CCDC171: variants seen among roughly 807,000 people sequenced by gnomAD.
The protein encoded by CCDC171 is coiled-coil domain containing 171.
Under a neutral mutation model 168.2 loss-of-function variants are expected in CCDC171, and 177 were observed. The ratio of observed to expected loss-of-function variants is 1.05; its 90% confidence interval spans 0.93 to 1.19. CCDC171 has a LOEUF of 1.19. Among genes scored for constraint, CCDC171 ranks in the 50% most tolerant of loss-of-function variants. The pLI, the probability that CCDC171 is intolerant of heterozygous loss-of-function variation, is 0.00. For missense variants in CCDC171, 1,991 were observed against 1,539.0 expected, an observed-to-expected ratio of 1.29 and a Z score of -4.91; for synonymous variants, 687 against 540.8, an observed-to-expected ratio of 1.27 and a Z score of -3.75.
At chr9:15,758,139 G>A (rs763090014) in intron 18 of CCDC171, among the ~76,000 whole-genome samples, 4 of 152,148 alleles carry the variant, frequency 2.6e-5, no homozygotes, top group Admixed American at 6.5e-5. Flanking sequence ...CTGACAGCTC[G>A]CACTGTTCAC....
chr9:15,987,921 T>A (rs772196001), intron 3 of CCDC171, among the ~76,000 whole-genome samples: 1 of 152,232 alleles, frequency 6.6e-6, no homozygotes, highest in Non-Finnish European at 1.5e-5. Context: ...TGAAACAGTT[T>A]GTGTACACTG....
intron 21 of CCDC171, among the ~76,000 whole-genome samples, chr9:15,794,632 T>C (rs2058459240): frequency 6.6e-6 from 1 of 152,214 alleles, no homozygotes; most frequent in African/African-American, 2.4e-5. Flanking sequence ...TTATACAGAC[T>C]GTGAGCTAAG....
At chr9:15,577,588 A>T (rs1453370815) in intron 3 of CCDC171, among the ~76,000 whole-genome samples, 4 of 152,234 alleles carry the variant, frequency 2.6e-5, no homozygotes, top group African/African-American at 9.6e-5. Context: ...AATTTCTGAT[A>T]CCAAGAGCAA....
intron 21 of CCDC171, among the ~76,000 whole-genome samples, chr9:15,814,246 A>G (rs1462852438): frequency 6.6e-6 from 1 of 152,226 alleles, no homozygotes; most frequent in East Asian, 1.9e-4. Context: ...CATTGTCCCA[A>G]AGTGAGTTGA....
chr9:15,603,213 T>C (rs948372760), intron 6 of CCDC171, among the ~76,000 whole-genome samples: 3 of 152,102 alleles, frequency 2.0e-5, no homozygotes, highest in Non-Finnish European at 4.4e-5. Flanking sequence ...TTCGATCTCC[T>C]GACCTTGTGA....
At chr9:15,789,796 C>T (rs1239633825) in intron 21 of CCDC171, among the ~76,000 whole-genome samples, 1 of 143,382 alleles carries the variant, frequency 7.0e-6, no homozygotes, top group Non-Finnish European at 1.5e-5. Flanking sequence ...GTTCCCCTTC[C>T]TGTGTCCAAG....
intron 21 of CCDC171, among the ~76,000 whole-genome samples, chr9:15,841,534 A>G (rs1404921911): frequency 6.6e-6 from 1 of 151,998 alleles, no homozygotes; most frequent in African/African-American, 2.4e-5. Flanking sequence ...GTTTATAAAT[A>G]TGTCACCTAC....
At chr9:15,825,076 A>G (rs901007938) in intron 21 of CCDC171, among the ~76,000 whole-genome samples, 2 of 152,134 alleles carry the variant, frequency 1.3e-5, no homozygotes, top group Non-Finnish European at 2.9e-5. Flanking sequence ...AGGATAGAAA[A>G]AAAGAGAGTC....
At chr9:15,932,489 T>C (rs1189277038) in intron 25 of CCDC171, among the ~76,000 whole-genome samples, 1 of 151,970 alleles carries the variant, frequency 6.6e-6, no homozygotes, top group African/African-American at 2.4e-5. Context: ...ATTCATTTAT[T>C]ACTTGTAAAA....
chr9:15,583,259 A>G (rs1353356817), intron 4 of CCDC171, among the ~76,000 whole-genome samples: 1 of 152,038 alleles, frequency 6.6e-6, no homozygotes, highest in Non-Finnish European at 1.5e-5. Flanking sequence ...TACTAAAAAT[A>G]CAAAAATTAG....
chr9:16,091,652 T>A, the CCDC171 span, among the ~76,000 whole-genome samples: 1 of 152,156 alleles, frequency 6.6e-6, no homozygotes, highest in Non-Finnish European at 1.5e-5. Flanking sequence ...AGATTCAAGG[T>A]GAGCTGTGAG....
At chr9:15,966,594 C>G (rs576657998) in intron 25 of CCDC171, among the ~76,000 whole-genome samples, 4 of 152,286 alleles carry the variant, frequency 2.6e-5, no homozygotes, top group African/African-American at 9.6e-5. Flanking sequence ...ATATATTCTA[C>G]CTCTTTTTTC....
rs530695085 is a variant in CCDC171 at position 15,820,772 on chromosome 9, T to C, written c.3268-25930T>C. 9.9e-4 allele frequency among the ~76,000 whole-genome samples: 116 copies of C among 117,624 alleles called. 26 individuals carry two copies. Among genetic ancestry groups the C allele is most frequent in the African/African-American group, 3.5e-3 (111 of 31,304 alleles). The allele number at this position is 117,624 out of a possible 152,430, so 77.2% of individuals were successfully genotyped here. A position where few individuals can be genotyped will look rare whatever the true frequency, so the allele number is the denominator to read the frequency against. On this transcript the variant is annotated intron_variant, in intron 21 of 25. Transcript: ENST00000380701. ...CTACCAGAGGTACAGGAGGAGCTGG[T>C]ACCATTCCTTCTGAAACTATTACAA...
intron 4 of CCDC171, among the ~76,000 whole-genome samples, chr9:15,582,132 C>G (rs1030328546): frequency 6.6e-6 from 1 of 152,196 alleles, no homozygotes; most frequent in African/African-American, 2.4e-5. Flanking sequence ...TGAACAGACA[C>G]TTCTCAAAAG....
intron 18 of CCDC171, among the ~76,000 whole-genome samples, chr9:15,774,180 A>C (rs1439252480): frequency 7.1e-6 from 1 of 140,910 alleles, no homozygotes; most frequent in Non-Finnish European, 1.5e-5. Flanking sequence ...CAGGTGGCAT[A>C]GGTTGCAGTG....
chr9:15,909,405 CA>C (rs745989745), intron 24 of CCDC171, among the ~76,000 whole-genome samples: 21,774 of 63,138 alleles, frequency 0.34, 2,031 homozygotes, highest in Non-Finnish European at 0.45. Context: ...TGTGCGTACA[CA>C]CACACACACA....
At chr9:15,783,701 G>T (rs181699226) in intron 20 of CCDC171, among the ~76,000 whole-genome samples, 399 of 152,234 alleles carry the variant, frequency 2.6e-3, no homozygotes, top group African/African-American at 9.0e-3. Flanking sequence ...TCTTGCCTTG[G>T]ATTCTCCATC....
In CCDC171 at chr9:15,818,278, A is replaced by C. The variant is rs1588674180; in HGVS notation, c.3268-28424A>C. Among the ~76,000 whole-genome samples the C allele has an allele frequency of 4.2e-5, 5 of 117,746 alleles. 1 individual carries two copies. The South Asian group carries it at 1.4e-3, about 33-fold the overall frequency. 77.2% of individuals were successfully genotyped at this position (117,746 alleles called of 152,430 possible). A position where few individuals can be genotyped will look rare whatever the true frequency, so the allele number is the denominator to read the frequency against. Reference sequence around the variant, plus strand: ...AGCAGAAATACTGGAAACTGTAAAAAACAGAGTGCCTCTCCTCCTCCAAAG... The same window carrying C: ...AGCAGAAATACTGGAAACTGTAAAACACAGAGTGCCTCTCCTCCTCCAAAG... On this transcript the variant is annotated intron_variant, in intron 21 of 25. Coordinates refer to ENST00000380701, the MANE Select transcript of CCDC171 (RefSeq NM_173550.4).
chr9:15,615,861 C>G (rs915405986), intron 6 of CCDC171, among the ~76,000 whole-genome samples: 1 of 151,766 alleles, frequency 6.6e-6, no homozygotes, highest in African/African-American at 2.4e-5. Flanking sequence ...TTGCTGCAGC[C>G]TCTGCCTCCT....
Sources: allele counts gnomAD v4.1 joint callset (sites outside exome capture counted in the v4.1 genomes callset), GRCh38; gene constraint gnomAD v4.1.1; transcripts MANE v1.5; gene names NCBI Gene and HGNC (gene_info 2026-07-23, HGNC 2026-07-21).